THSD4: variants seen among roughly 807,000 people sequenced by gnomAD.
The protein encoded by THSD4 is thrombospondin type-1 domain-containing protein 4.
In THSD4, 69 loss-of-function variants were observed where a neutral mutation model predicts 119.0. That is an observed-to-expected ratio of 0.58 (90% CI 0.48 to 0.71). The LOEUF is 0.71. Among genes scored for constraint, THSD4 ranks in the 30% least tolerant of loss-of-function variants. THSD4 has a pLI of 0.00. For synonymous variants in THSD4, 524 were observed against 540.4 expected (o/e 0.97, Z 0.42); for missense variants, 1,393 against 1,391.1 (o/e 1.00, Z -0.02).
chr15:71,121,158 A>AC (rs2040405967), intron 1 of THSD4, among the ~76,000 whole-genome samples: 3 of 151,790 alleles, frequency 2.0e-5, no homozygotes, highest in Non-Finnish European at 4.4e-5. Context: ...GAGGGAGCCC[A>AC]CCTCCTTTCC....
intron 1 of THSD4, among the ~76,000 whole-genome samples, chr15:71,131,156 T>C (rs2040500549): frequency 6.6e-6 from 1 of 152,210 alleles, no homozygotes; most frequent in Non-Finnish European, 1.5e-5. Context: ...CTTTGAATCA[T>C]GATGACAAAA....
intron 2 of THSD4, among the ~76,000 whole-genome samples, chr15:71,146,661 T>C (rs2040664636): frequency 6.6e-6 from 1 of 152,130 alleles, no homozygotes; most frequent in Non-Finnish European, 1.5e-5. Flanking sequence ...ACACAGTACA[T>C]CTGGGGGGTG....
At chr15:71,272,035 C>T (rs560327223) in intron 6 of THSD4, among the ~76,000 whole-genome samples, 14 of 152,192 alleles carry the variant, frequency 9.2e-5, no homozygotes, top group African/African-American at 3.1e-4. Flanking sequence ...ACAAATCATA[C>T]GTCAGATCAG....
intron 6 of THSD4, among the ~76,000 whole-genome samples, chr15:71,371,449 C>T (rs953542070): frequency 1.1e-4 from 16 of 152,170 alleles, no homozygotes; most frequent in Non-Finnish European, 1.5e-4. Flanking sequence ...GTGCTTCCTT[C>T]AGGAGCTCTT....
At chr15:71,433,115 A>G (rs1426214653) in intron 7 of THSD4, among the ~76,000 whole-genome samples, 1 of 151,730 alleles carries the variant, frequency 6.6e-6, no homozygotes, top group African/African-American at 2.4e-5. Context: ...CCTTTTCTGT[A>G]GAACAGTTTT....
intron 7 of THSD4, among the ~76,000 whole-genome samples, chr15:71,542,392 A>G (rs751832967): frequency 6.6e-5 from 10 of 152,306 alleles, no homozygotes; most frequent in Middle Eastern, 3.4e-3. Flanking sequence ...GGAAAAGGAA[A>G]AATACTATCT....
intron 7 of THSD4, among the ~76,000 whole-genome samples, chr15:71,512,467 A>T (rs1265577898): frequency 6.6e-6 from 1 of 152,232 alleles, no homozygotes; most frequent in African/African-American, 2.4e-5. Flanking sequence ...TATATAATGG[A>T]CATGGTTCAA....
chr15:71,722,791 T>G (rs555408600), intron 8 of THSD4, among the ~76,000 whole-genome samples: 37 of 152,328 alleles, frequency 2.4e-4, no homozygotes, highest in African/African-American at 8.7e-4. Flanking sequence ...TAAACCCCAG[T>G]TCCTGTCCCA....
chr15:71,373,626 G>T (rs1212605733), intron 6 of THSD4, among the ~76,000 whole-genome samples: 1 of 152,242 alleles, frequency 6.6e-6, no homozygotes, highest in East Asian at 1.9e-4. Context: ...AGACAGCTTC[G>T]AATGGTGGTC....
At chr15:71,554,035 CT>C (rs2048975818) in intron 7 of THSD4, among the ~76,000 whole-genome samples, 1 of 147,022 alleles carries the variant, frequency 6.8e-6, no homozygotes, top group African/African-American at 2.5e-5. Flanking sequence ...AGTCTTTCAT[CT>C]TTTTGTATGC....
At chr15:71,386,757 C>G (rs2046298482) in intron 6 of THSD4, among the ~76,000 whole-genome samples, 2 of 152,284 alleles carry the variant, frequency 1.3e-5, no homozygotes, top group South Asian at 2.1e-4. Flanking sequence ...GACTCCTGAG[C>G]TTTAAATAAA....
chr15:71,193,638 T>C (rs531266541), intron 3 of THSD4, among the ~76,000 whole-genome samples: 19 of 152,324 alleles, frequency 1.2e-4, no homozygotes, highest in South Asian at 8.3e-4. Context: ...GTAGAGATCA[T>C]TGAATCATGG....
intron 12 of THSD4, 53 bp from the exon 13 acceptor site, chr15:71,746,774 CTCACGCTGACT>C: frequency 6.5e-7 from 1 of 1,536,264 alleles, no homozygotes; most frequent in Non-Finnish European, 9.0e-7. Context: ...CTGCTGCGGG[CTCACGCTGACT>C]TCCTGTTGAC....
rs2047655197 is a variant in THSD4, at chr15:71,476,354, C to T, written c.1152+64531C>T. Among the ~76,000 whole-genome samples the T allele has an allele frequency of 3.3e-5, 5 of 152,226 alleles. No homozygotes were observed. The South Asian group carries it at 1.0e-3, about 32-fold the overall frequency. ...TCAAGCGATTCTCCTGCCTCAGCCT[C>T]CAGAGTAGTTGGGATTACTAGTAGC... On this transcript the variant is annotated intron_variant, in intron 7 of 17. Coordinates refer to ENST00000261862, the MANE Select transcript of THSD4 (RefSeq NM_024817.3).
In THSD4 at chr15:71,708,054, T is replaced by C. The variant is rs140298554; in HGVS notation, c.1358-20495T>C. ...AGAGTTAACTGAGTTCCCTTCCATC[T>C]GTACTGTCTGGGAAGTTTTGTGGAA... On this transcript the variant is annotated intron_variant, in intron 8 of 17. Transcript: ENST00000261862. Among the ~76,000 whole-genome samples the C allele has an allele frequency of 1.8e-3, 277 of 152,332 alleles. 1 individual carries two copies. Among genetic ancestry groups the C allele is most frequent in the African/African-American group, 5.4e-3 (223 of 41,568 alleles).
intron 6 of THSD4, among the ~76,000 whole-genome samples, chr15:71,392,931 A>G (rs1299967999): frequency 6.6e-6 from 1 of 152,222 alleles, no homozygotes; most frequent in Non-Finnish European, 1.5e-5. Context: ...TGTGGCCACG[A>G]CAAGAACATC....
At chr15:71,758,374 C>A (rs1166716528) in intron 15 of THSD4, among the ~76,000 whole-genome samples, 3 of 152,164 alleles carry the variant, frequency 2.0e-5, no homozygotes, top group Non-Finnish European at 4.4e-5. Flanking sequence ...ACAATGCTGG[C>A]AGTGATGGTA....
At chr15:71,674,749 T>A (rs780382706) in intron 8 of THSD4, among the ~76,000 whole-genome samples, 20 of 152,180 alleles carry the variant, frequency 1.3e-4, no homozygotes, top group Non-Finnish European at 2.2e-4. Flanking sequence ...TTTCGATTGT[T>A]ACAGTGAGGG....
intron 8 of THSD4, among the ~76,000 whole-genome samples, chr15:71,684,717 G>A (rs1033558087): frequency 2.0e-5 from 3 of 151,996 alleles, no homozygotes; most frequent in Non-Finnish European, 4.4e-5. Flanking sequence ...ATTCCGAAGT[G>A]AGATTGGCCT....
Sources: gnomAD v4.1 joint callset for allele counts (sites outside exome capture counted in the v4.1 genomes callset) on GRCh38, gnomAD v4.1.1 for gene constraint, MANE v1.5 for transcripts, NCBI Gene and HGNC (gene_info 2026-07-23, HGNC 2026-07-21) for gene names.